CCDC91: variants seen among roughly 807,000 people sequenced by gnomAD.
CCDC91 encodes the protein coiled-coil domain-containing protein 91.
In CCDC91, 48 loss-of-function variants were observed where a neutral mutation model predicts 63.2. That is an observed-to-expected ratio of 0.76 (90% CI 0.60 to 0.97). The LOEUF is 0.97. CCDC91 is among the 50% of genes least tolerant of loss of function. The pLI is 0.00. For synonymous variants in CCDC91, 167 were observed against 165.8 expected (o/e 1.01, Z -0.06); for missense variants, 500 against 494.6 (o/e 1.01, Z -0.10).
chr12:28,274,338 C>A (rs1176279906), intron 3 of CCDC91, among the ~76,000 whole-genome samples: 1 of 151,994 alleles, frequency 6.6e-6, no homozygotes. Context: ...TTTTTTGGTT[C>A]CACATGAACT....
intron 8 of CCDC91, among the ~76,000 whole-genome samples, chr12:28,409,982 A>G (rs1414317105): frequency 2.0e-5 from 3 of 152,092 alleles, no homozygotes; most frequent in Admixed American, 2.0e-4. Flanking sequence ...TCCCTTGTCT[A>G]CTTGAAAAGG....
intron 12 of CCDC91, among the ~76,000 whole-genome samples, chr12:28,490,967 C>A (rs571713534): frequency 6.6e-6 from 1 of 151,774 alleles, no homozygotes; most frequent in Non-Finnish European, 1.5e-5. Flanking sequence ...AGATAAAGCC[C>A]AATGCTTAGA....
intron 11 of CCDC91, among the ~76,000 whole-genome samples, chr12:28,462,241 T>C (rs1310499525): frequency 6.6e-6 from 1 of 152,126 alleles, no homozygotes; most frequent in African/African-American, 2.4e-5. Context: ...GAACAGAACA[T>C]GAGAGTGTTA....
chr12:28,434,229 T>C (rs773160747), intron 8 of CCDC91, among the ~76,000 whole-genome samples: 2 of 151,820 alleles, frequency 1.3e-5, no homozygotes, highest in Non-Finnish European at 3.0e-5. Context: ...CCATTAAGTA[T>C]GTTAGCTGTA....
At chr12:28,290,821 C>CAT (rs59256753) in intron 3 of CCDC91, among the ~76,000 whole-genome samples, 139,512 of 152,156 alleles carry the variant, frequency 0.92, 65,066 homozygotes, top group East Asian at 1. Context: ...ATACCCAACT[C>CAT]ATGTTTTTTA....
intron 1 of CCDC91, chr12:28,225,870 A>G (rs1290182381): frequency 2.0e-5 from 3 of 152,240 alleles, no homozygotes; most frequent in Non-Finnish European, 4.4e-5. Context: ...TGGTAAGTCT[A>G]AGTGAAACAT....
intron 1 of CCDC91, among the ~76,000 whole-genome samples, chr12:28,203,015 C>G (rs1942580624): frequency 6.6e-6 from 1 of 152,156 alleles, no homozygotes; most frequent in African/African-American, 2.4e-5. Flanking sequence ...AGGGAACTGC[C>G]AGACAGGTCA....
chr12:28,229,920 A>G (rs997298142), intron 1 of CCDC91, among the ~76,000 whole-genome samples: 1 of 152,204 alleles, frequency 6.6e-6, no homozygotes, highest in African/African-American at 2.4e-5. Flanking sequence ...GCTTTTCATT[A>G]TATCAGCTAA....
In CCDC91 at chr12:28,193,605, C is replaced by CA. The variant is rs61394800; in HGVS notation, c.-15+2978dup. On this transcript the variant is annotated intron_variant, in intron 1 of 12. Transcript: ENST00000536442. ...ACAGAGTGAAACTCCGTCTCAAAAA[C>CA]AAAAAAAAAAAAAAGAAGGAAATTA... is the stretch of plus-strand genomic sequence containing the variant. Among the ~76,000 whole-genome samples the CA allele has an allele frequency of 4.5e-3, 582 of 130,560 alleles. 3 individuals are homozygous for CA. Among genetic ancestry groups the CA allele is most frequent in the African/African-American group, 9.0e-3 (317 of 35,390 alleles). 85.7% of individuals were successfully genotyped at this position (130,560 alleles called of 152,430 possible). A position where few individuals can be genotyped will look rare whatever the true frequency, so the allele number is the denominator to read the frequency against.
intron 8 of CCDC91, among the ~76,000 whole-genome samples, chr12:28,415,331 C>A (rs1321616758): frequency 6.6e-6 from 1 of 151,942 alleles, no homozygotes; most frequent in Non-Finnish European, 1.5e-5. Flanking sequence ...TCAAGCAATT[C>A]TCCTGCCTCA....
At chr12:28,294,048 C>T (rs575681760) in intron 3 of CCDC91, among the ~76,000 whole-genome samples, 1 of 152,168 alleles carries the variant, frequency 6.6e-6, no homozygotes, top group Admixed American at 6.5e-5. Flanking sequence ...CAGACATGAA[C>T]TCTGCTCGTG....
chr12:28,406,005 C>A (rs574800337), intron 8 of CCDC91, among the ~76,000 whole-genome samples: 4 of 152,236 alleles, frequency 2.6e-5, no homozygotes, highest in African/African-American at 9.6e-5. Context: ...ATCCCCCTTA[C>A]GAATGGTGAA....
At chr12:28,516,154 AT>A (rs1216393649) in intron 12 of CCDC91, among the ~76,000 whole-genome samples, 2 of 151,890 alleles carry the variant, frequency 1.3e-5, no homozygotes, top group African/African-American at 2.4e-5. Flanking sequence ...GCAGACAGTT[AT>A]TTTCCTCTTC....
chr12:28,295,616 A>C (rs1057296673), intron 3 of CCDC91, among the ~76,000 whole-genome samples: 12 of 152,122 alleles, frequency 7.9e-5, no homozygotes, highest in African/African-American at 2.9e-4. Flanking sequence ...TACATTACAT[A>C]GTGTCTTGAA....
chr12:28,471,993 A>G (rs1950842820), intron 11 of CCDC91, among the ~76,000 whole-genome samples: 1 of 152,116 alleles, frequency 6.6e-6, no homozygotes, highest in Admixed American at 6.6e-5. Context: ...TCAAGTGATC[A>G]GCCCGCTTCA....
chr12:28,526,452 G>A (rs1368460437), intron 12 of CCDC91, among the ~76,000 whole-genome samples: 1 of 152,114 alleles, frequency 6.6e-6, no homozygotes, highest in East Asian at 1.9e-4. Flanking sequence ...CTAGCCTGTA[G>A]GGTTTCTGCT....
At chr12:28,195,785 A>G (rs1343439067) in intron 1 of CCDC91, among the ~76,000 whole-genome samples, 1 of 152,182 alleles carries the variant, frequency 6.6e-6, no homozygotes, top group Non-Finnish European at 1.5e-5. Flanking sequence ...ACATCTTAAA[A>G]ATGTTGTTTT....
chr12:28,316,551 CA>C, intron 6 of CCDC91, among the ~76,000 whole-genome samples: 1 of 108,412 alleles, frequency 9.2e-6, no homozygotes, highest in South Asian at 3.3e-4. Context: ...TCAGCCAACT[CA>C]CACCTTTTTT....
intron 7 of CCDC91, among the ~76,000 whole-genome samples, chr12:28,390,347 A>G (rs1945855988): frequency 6.6e-6 from 1 of 152,032 alleles, no homozygotes; most frequent in African/African-American, 2.4e-5. Flanking sequence ...TCTATAAGAC[A>G]TGTCTGTTTC....
Sources: allele counts gnomAD v4.1 joint callset (sites outside exome capture counted in the v4.1 genomes callset), GRCh38; gene constraint gnomAD v4.1.1; transcripts MANE v1.5; gene names NCBI Gene and HGNC (gene_info 2026-07-23, HGNC 2026-07-21).